Variants in NTRK1 observed in about 807,000 individuals in gnomAD.
The protein encoded by NTRK1 is neurotrophic receptor tyrosine kinase 1.
A neutral mutation model predicts 86.8 loss-of-function variants in NTRK1; 62 were observed. That is an observed-to-expected ratio of 0.71 (90% confidence interval 0.58 to 0.88). The LOEUF (loss-of-function observed/expected upper bound fraction) is 0.88, where lower values mean the gene tolerates loss of function less well. Among genes scored for constraint, NTRK1 ranks in the 40% least tolerant of loss-of-function variants. The pLI, the probability that NTRK1 is intolerant of heterozygous loss-of-function variation, is 0.00. For missense variants in NTRK1, 967 were observed against 1,078.4 expected (o/e 0.90, Z 1.45); for synonymous variants, 469 against 456.6 (o/e 1.03, Z -0.35).
At chr1:156,842,804 C>T (rs1356052945) in intron 2 of NTRK1, among the ~76,000 whole-genome samples, 1 of 152,180 alleles carries the variant, frequency 6.6e-6, no homozygotes, top group Admixed American at 6.5e-5. Context: ...GATCTCAGCC[C>T]TAGCCATGAC....
At chr1:156,832,979 G>A (rs1044729732) in intron 1 of NTRK1, among the ~76,000 whole-genome samples, 8 of 152,164 alleles carry the variant, frequency 5.3e-5, no homozygotes, top group African/African-American at 9.7e-5. Context: ...TCAGCACATC[G>A]CTTCTTGCTA....
intron 2 of NTRK1, chr1:156,844,706 C>T (rs1218571048): frequency 2.5e-6 from 4 of 1,614,132 alleles, no homozygotes; most frequent in Non-Finnish European, 2.5e-6. Flanking sequence ...CGGGCACCTA[C>T]CTCTCCCAAG....
upstream of NTRK1, among the ~76,000 whole-genome samples, chr1:156,856,266 G>A (rs1172638228): frequency 6.6e-6 from 1 of 152,082 alleles, no homozygotes; most frequent in Non-Finnish European, 1.5e-5. Flanking sequence ...ATAGCTCCTG[G>A]CACAAAGTTG....
rs199826686 is a variant in NTRK1 at position 156,874,612 on chromosome 1, G to C, written c.1237G>C (p.Glu413Gln). Residue 413 changes from glutamate to glutamine, a missense_variant, in exon 10 of 17, where the codon GAA (glutamate) becomes CAA (glutamine). Glu to Gln is a conservative substitution (Grantham distance 29). This residue lies in a region of NTRK1 where 637 missense variants were observed against 776.5 expected (regional missense o/e 0.82). Transcript: ENST00000524377. ...TGGAGACCCGGTGGAGAAGAAGGAC[G>C]AAACACCTTTTGGGGTGAGATAGGA... Reference protein sequence around the residue: ...TSGDPVEKKDETPFGVSVAVG... With the variant: ...TSGDPVEKKDQTPFGVSVAVG... The C allele has an allele frequency of 2.6e-5, 42 of 1,613,946 alleles. No homozygotes were observed. The Admixed American group carries it at 6.7e-4, about 26-fold the overall frequency.
At chr1:156,878,205 G>C (rs560350224) in intron 14 of NTRK1, among the ~76,000 whole-genome samples, 33 of 152,292 alleles carry the variant, frequency 2.2e-4, no homozygotes, top group Non-Finnish European at 3.5e-4. Context: ...AGTTCCCTCT[G>C]CCTGGGGCAT....
intron 1 of NTRK1, among the ~76,000 whole-genome samples, chr1:156,821,104 G>T (rs568867465): frequency 1.3e-5 from 2 of 152,234 alleles, no homozygotes; most frequent in Admixed American, 1.3e-4. Context: ...TGCAGCTGTT[G>T]TAAAAGGGAT....
chr1:156,848,978 C>A, intron 2 of NTRK1: 1 of 1,608,854 alleles, frequency 6.2e-7, no homozygotes, highest in Non-Finnish European at 8.5e-7. Context: ...TGGCTCATAG[C>A]GCTCCCAGCG....
upstream of NTRK1, chr1:156,860,725 C>A: frequency 1.0e-6 from 1 of 992,204 alleles, no homozygotes; most frequent in Non-Finnish European, 1.3e-6. Context: ...GGGCCCCTAA[C>A]AGGGGAGGGG....
intron 5 of NTRK1, 49 bp downstream of exon 5, chr1:156,868,298 T>A: frequency 1.9e-6 from 3 of 1,596,868 alleles, no homozygotes; most frequent in Non-Finnish European, 2.5e-6. Flanking sequence ...GGAAGAGACC[T>A]ACCTGCCTGA....
chr1:156,881,701 C>A lies in NTRK1; in HGVS notation c.*59C>A, dbSNP rs1012941436. 6.9e-5 allele frequency: 103 copies of A among 1,490,736 alleles called. No individual in the cohort carries two copies. Among genetic ancestry groups the A allele is most frequent in the Non-Finnish European group, 9.0e-5 (99 of 1,103,260 alleles). The allele number at this position is 1,490,736 out of a possible 1,614,324, so 92.3% of individuals were successfully genotyped here. On this transcript the variant is annotated 3_prime_UTR_variant, in exon 17 of 17. Coordinates refer to ENST00000524377, the MANE Select transcript of NTRK1 (RefSeq NM_002529.4). Reference sequence around the variant, plus strand: ...GAATACTGGGGCCTGCCCTCAGCATCCCCCATAGCTCCCAGCAGCCCCAGG... The same window carrying A: ...GAATACTGGGGCCTGCCCTCAGCATACCCCATAGCTCCCAGCAGCCCCAGG...
intron 6 of NTRK1, 32 bp downstream of exon 6, chr1:156,868,679 G>A (rs1647333172): frequency 6.5e-7 from 1 of 1,548,736 alleles, no homozygotes; most frequent in Non-Finnish European, 8.7e-7. Context: ...GCCCCCAAGA[G>A]GTCCAGGCAG....
chr1:156,861,383 G>C lies in NTRK1; in HGVS notation c.212+237G>C, dbSNP rs570187831. ...CAGGGCAGCTGGGCCGCCGGCTTCAGGGAGATCGAAGGGGGAAATCTCCGT... is the reference window on the plus strand; with the variant it reads ...CAGGGCAGCTGGGCCGCCGGCTTCACGGAGATCGAAGGGGGAAATCTCCGT... On this transcript the variant is annotated intron_variant, in intron 1 of 16. Transcript: ENST00000524377. Among the ~76,000 whole-genome samples, 371 of 151,748 alleles carry C rather than the reference G, an allele frequency of 2.4e-3. 4 individuals are homozygous for C. The highest frequency in any genetic ancestry group is 1.1e-3 in the Non-Finnish European group (74 of 68,002).
chr1:156,875,847 G>A lies in NTRK1; in HGVS notation c.1501+181G>A. ...CAGGCTGAGTCCAGCCTGGCTCTTA[G>A]CTGCATCCCCTGCCCAGAGTCACAG... On this transcript the variant is annotated intron_variant, in intron 12 of 16. Coordinates refer to ENST00000524377, the MANE Select transcript of NTRK1 (RefSeq NM_002529.4). 2 of 1,115,118 alleles carry A rather than the reference G, an allele frequency of 1.8e-6. 1 individual carries two copies. Among genetic ancestry groups the A allele is most frequent in the South Asian group, 2.9e-5 (2 of 69,514 alleles). The allele number at this position is 1,115,118 out of a possible 1,614,324, so 69.1% of individuals were successfully genotyped here.
intron 2 of NTRK1, chr1:156,846,380 C>G: frequency 1.3e-6 from 1 of 786,546 alleles, no homozygotes; most frequent in South Asian, 1.8e-5. Context: ...CCCCTTCTTT[C>G]TAGGACTCAA....
intron 12 of NTRK1, 40 bp from the exon 13 acceptor site, chr1:156,876,040 C>A: frequency 6.2e-7 from 1 of 1,614,040 alleles, no homozygotes; most frequent in East Asian, 2.2e-5. Context: ...CCAGCCCTCC[C>A]AAGACTGGGG....
At chr1:156,846,638 G>A (rs1424704699) in intron 2 of NTRK1, 3 of 1,614,014 alleles carry the variant, frequency 1.9e-6, no homozygotes, top group Non-Finnish European at 2.5e-6. Context: ...AGGCTTGAGG[G>A]AGGCTAGGGT....
At chr1:156,855,691 G>C (rs1344415740) in intron 2 of NTRK1, among the ~76,000 whole-genome samples, 1 of 152,046 alleles carries the variant, frequency 6.6e-6, no homozygotes, top group African/African-American at 2.4e-5. Flanking sequence ...CAGGCATGGT[G>C]GTGCACACCT....
At chr1:156,829,918 GC>G (rs1654424701) in intron 1 of NTRK1, among the ~76,000 whole-genome samples, 2 of 152,336 alleles carry the variant, frequency 1.3e-5, no homozygotes, top group South Asian at 4.1e-4. Flanking sequence ...CTCCCAAAGT[GC>G]TGGGATTACA....
intron 1 of NTRK1, among the ~76,000 whole-genome samples, chr1:156,829,074 C>A (rs1050984074): frequency 3.3e-5 from 5 of 152,078 alleles, no homozygotes; most frequent in Non-Finnish European, 7.4e-5. Flanking sequence ...TCTCTGGGAG[C>A]CTTTATTCTG....
Sources: gnomAD v4.1 joint callset for allele counts (sites outside exome capture counted in the v4.1 genomes callset) on GRCh38, gnomAD v4.1.1 for gene constraint, gnomAD v4.1.1 regional missense constraint, MANE v1.5 for transcripts, NCBI Gene and HGNC (gene_info 2026-07-23, HGNC 2026-07-21) for gene names.